Variants in MYH3 observed in about 807,000 individuals in gnomAD.
The protein encoded by MYH3 is myosin-3.
MYH3 carries 130 observed loss-of-function variants against 238.0 expected under a neutral mutation model. The observed-to-expected ratio is 0.55, with a 90% CI of 0.47 to 0.63. The LOEUF is 0.63. Ranked by LOEUF, MYH3 falls within the 30% of genes least tolerant of loss-of-function variation. The pLI is 0.00. For missense variants in MYH3, 1,853 were observed against 2,374.9 expected, an observed-to-expected ratio of 0.78 and a Z score of 4.57; for synonymous variants, 880 against 924.1, an observed-to-expected ratio of 0.95 and a Z score of 0.86.
intron 36 of MYH3, 99 bp downstream of exon 36, chr17:10,631,512 C>T (rs1267716582): frequency 1.9e-6 from 3 of 1,570,978 alleles, no homozygotes; most frequent in Non-Finnish European, 2.6e-6. Flanking sequence ...GAATGTGCAC[C>T]AGGTGTGGCT....
upstream of MYH3, among the ~76,000 whole-genome samples, chr17:10,658,119 G>A (rs1480105798): frequency 1.3e-5 from 2 of 152,160 alleles, no homozygotes; most frequent in African/African-American, 4.8e-5. Flanking sequence ...TAGGGGGAAC[G>A]GTGGTGGCCT....
In MYH3 at chr17:10,652,600, T is replaced by C. The variant is rs779597444; in HGVS notation, c.205-37A>G. 41 of 1,220,182 alleles carry C rather than the reference T, an allele frequency of 3.4e-5. 1 individual carries two copies. In the Admixed American group the frequency reaches 7.9e-4, roughly 23 times the overall value. 75.6% of individuals were successfully genotyped at this position (1,220,182 alleles called of 1,614,324 possible). On this transcript the variant is annotated intron_variant, in intron 3 of 40. Coordinates refer to ENST00000583535, the MANE Select transcript of MYH3 (RefSeq NM_002470.4). ...GAGGCACAGTGCTTCACTAAGATGGTCTGCACGTCTTTTTTTTTTTTTTTT... is the reference window on the plus strand; with the variant it reads ...GAGGCACAGTGCTTCACTAAGATGGCCTGCACGTCTTTTTTTTTTTTTTTT...
At chr17:10,676,122 A>G in the MYH3 span, 46 of 151,958 alleles carry the variant, frequency 3.0e-4, no homozygotes, top group African/African-American at 1.1e-3. Context: ...TTTTGAGACA[A>G]CTCTTGTTGC....
At chr17:10,634,734 C>G (rs984621307) in intron 31 of MYH3, 106 bp downstream of exon 31, 3 of 1,405,644 alleles carry the variant, frequency 2.1e-6, no homozygotes, top group Non-Finnish European at 3.0e-6. Context: ...CAAGGCCACA[C>G]TGCTGGTGAG....
At chr17:10,669,970 G>A in the MYH3 span, among the ~76,000 whole-genome samples, 3 of 152,162 alleles carry the variant, frequency 2.0e-5, no homozygotes, top group Non-Finnish European at 2.9e-5. Flanking sequence ...TTCTGATTCT[G>A]TGATTTAAGG....
chr17:10,639,073 G>T lies in MYH3; in HGVS notation c.3219C>A (p.Asp1073Glu), dbSNP rs2074244577. The T allele has an allele frequency of 6.2e-7, 1 of 1,614,214 alleles. No individual in the cohort carries two copies. The highest frequency in any genetic ancestry group is 1.7e-5 in the Admixed American group (1 of 60,028). ...AQESILDLEN[D>E]KQQLDERLKK... ...TGAGCCTTTCGTCCAGCTGTTGCTT[G>T]TCATTCTCCAGATCTAATATGGACT... The change falls in exon 25 of 41, where the codon GAC becomes GAA. Residue 1073 changes from aspartate (D) to glutamate (E), a missense_variant. Asp to Glu is a conservative substitution (Grantham distance 45). Around this residue, in one of 3 missense-constraint regions of MYH3, gnomAD observed 1,044 missense variants for 1,192.6 expected, o/e 0.88. Coordinates refer to ENST00000583535, the MANE Select transcript of MYH3 (RefSeq NM_002470.4).
In MYH3 at chr17:10,642,721, A is replaced by T; in HGVS notation, c.1584T>A (p.Pro528=). 1 of 1,614,208 alleles carries T rather than the reference A, an allele frequency of 6.2e-7. No homozygotes were observed. The highest frequency in any genetic ancestry group is 1.6e-4 in the Middle Eastern group (1 of 6,062). ...CTTCCAGGATGGAGAAGATGCCCAT[A>T]GGCTGGATTGAAGGCAAGGCAAAGT... ...LAACIELIEK[P]MGIFSILEEE... is the part of the protein sequence containing the mutation. Residue 528 remains proline (P), a splice_region_variant and synonymous_variant, in exon 16 of 41, where the codon CCT becomes CCA. Coordinates refer to ENST00000583535, the MANE Select transcript of MYH3 (RefSeq NM_002470.4). The surrounding 1 kb of genome is among the most constrained non-coding windows in gnomAD (Gnocchi z 5.4).
chr17:10,667,789 G>A, the MYH3 span, among the ~76,000 whole-genome samples: 1 of 151,696 alleles, frequency 6.6e-6, no homozygotes, highest in Admixed American at 6.6e-5. Context: ...AATATTTTGA[G>A]ACAAGAACAT....
Position 10,631,752 on chromosome 17 carries a change from G to C in MYH3, c.5161-16C>G. 2.5e-6 allele frequency: 4 copies of C among 1,614,120 alleles called. No homozygotes were observed. The highest frequency in any genetic ancestry group is 3.4e-6 in the Non-Finnish European group (4 of 1,180,026). On this transcript the variant is annotated splice_polypyrimidine_tract_variant and intron_variant, in intron 35 of 40. Transcript: ENST00000583535. Reference sequence around the variant, plus strand: ...GGCTGGTGTTCTAGGGCAAGAGGAGGGCTGTTAACCAGGTGCGTATGAGGC... The same window carrying C: ...GGCTGGTGTTCTAGGGCAAGAGGAGCGCTGTTAACCAGGTGCGTATGAGGC...
chr17:10,652,849 C>G (rs1160641533), intron 3 of MYH3, among the ~76,000 whole-genome samples: 1 of 151,752 alleles, frequency 6.6e-6, no homozygotes, highest in Admixed American at 6.6e-5. Context: ...TCTCGATCTC[C>G]TGACCTCGTG....
chr17:10,632,539 G>A lies in MYH3; in HGVS notation c.4893C>T (p.Ser1631=). Reference sequence around the variant, plus strand: ...TCTCCGCCGCCTGGCGGTTGGCGTGGCTCAGCTGGATCTCGATTTCATTCA... The same window carrying A: ...TCTCCGCCGCCTGGCGGTTGGCGTGACTCAGCTGGATCTCGATTTCATTCA... The part of the protein sequence containing the change: ...GDLNEIEIQL[S]HANRQAAETL... The change falls in exon 34 of 41, where the codon AGC becomes AGT. Residue 1631 remains serine (S), a synonymous_variant. Transcript: ENST00000583535. The A allele has an allele frequency of 6.2e-7, 1 of 1,614,130 alleles. No homozygotes were observed. The highest frequency in any genetic ancestry group is 8.5e-7 in the Non-Finnish European group (1 of 1,180,040).
chr17:10,654,771 G>A lies in MYH3; in HGVS notation c.204+90C>T. 2 of 1,193,914 alleles carry A rather than the reference G, an allele frequency of 1.7e-6. No homozygotes were observed. Among genetic ancestry groups the A allele is most frequent in the East Asian group, 2.3e-5 (1 of 43,008 alleles). 74.0% of individuals were successfully genotyped at this position (1,193,914 alleles called of 1,614,324 possible). A position where few individuals can be genotyped will look rare whatever the true frequency, so the allele number is the denominator to read the frequency against. ...CATTCCAGTGCTGGAACCACATCTG[G>A]AAGTGGCTGGGGTTGGGCAGATGCA... On this transcript the variant is annotated intron_variant, in intron 3 of 40. Coordinates refer to ENST00000583535, the MANE Select transcript of MYH3 (RefSeq NM_002470.4). This position sits in a 1 kb window ranked among gnomAD's most constrained non-coding sequence, Gnocchi z 4.5.
At position 10,654,715 on chromosome 17, in the gene MYH3, C is replaced by T. The variant is rs1020265161; in HGVS notation, c.204+146G>A. On this transcript the variant is annotated intron_variant, in intron 3 of 40. Coordinates refer to ENST00000583535, the MANE Select transcript of MYH3 (RefSeq NM_002470.4). This position sits in a 1 kb window ranked among gnomAD's most constrained non-coding sequence, Gnocchi z 4.5. ...ATTCACTCTGCTTTCTCTGAGGATA[C>T]CTGGGAAGCCCCAGGCTACATTGTA... The T allele has an allele frequency of 4.0e-5, 32 of 795,244 alleles. No homozygotes were observed. In the African/African-American group the frequency reaches 4.2e-4, roughly 10 times the overall value. 49.3% of individuals were successfully genotyped at this position (795,244 alleles called of 1,614,324 possible).
At chr17:10,665,274 C>G in the MYH3 span, among the ~76,000 whole-genome samples, 1 of 152,068 alleles carries the variant, frequency 6.6e-6, no homozygotes, top group Non-Finnish European at 1.5e-5. Context: ...TCCCGAGTAG[C>G]TGGAATTACA....
intron 6 of MYH3, 60 bp from the exon 7 acceptor site, chr17:10,649,745 T>C: frequency 6.7e-7 from 1 of 1,486,078 alleles, no homozygotes; most frequent in Admixed American, 1.7e-5. Flanking sequence ...AACAGGCTTT[T>C]CAGGATGTCA....
At chr17:10,656,537 CAAAAAAAAAAAAA>C (rs71139057) in intron 1 of MYH3, among the ~76,000 whole-genome samples, 1 of 55,898 alleles carries the variant, frequency 1.8e-5, no homozygotes, top group East Asian at 3.5e-4. Context: ...AATTCTGTCT[CAAAAAAAAAAAAA>C]AAAAAAAAAA....
chr17:10,633,899 A>C (rs2074188398), intron 32 of MYH3, 118 bp downstream of exon 32: 2 of 1,471,352 alleles, frequency 1.4e-6, no homozygotes, highest in South Asian at 2.3e-5. Flanking sequence ...CACTTTCTGC[A>C]TGTGCATTAA....
intron 10 of MYH3, among the ~76,000 whole-genome samples, 174 bp downstream of exon 10, chr17:10,647,008 C>T (rs971955487): frequency 2.6e-5 from 4 of 152,176 alleles, no homozygotes; most frequent in Admixed American, 2.6e-4. Flanking sequence ...TGTGCTTGTG[C>T]CACTGCACCC....
Position 10,647,437 on chromosome 17 carries a change from C to T in MYH3, c.736-11G>A, listed in dbSNP as rs757029689. On this transcript the variant is annotated splice_polypyrimidine_tract_variant and intron_variant, in intron 8 of 40. Transcript: ENST00000583535. ...TCGGATGAACTTGCCCTGTATGGGG[C>T]GGGATTCAGGGGGAGACCAGATTCT... 6.8e-6 allele frequency: 11 copies of T among 1,614,052 alleles called. No individual in the cohort carries two copies. Among genetic ancestry groups the T allele is most frequent in the Middle Eastern group, 1.6e-4 (1 of 6,062 alleles).
Sources: allele counts gnomAD v4.1 joint callset (sites outside exome capture counted in the v4.1 genomes callset), GRCh38; gene constraint gnomAD v4.1.1; regional missense constraint gnomAD v4.1.1; non-coding constraint Gnocchi (gnomAD v3.1); transcripts MANE v1.5; gene names NCBI Gene and HGNC (gene_info 2026-07-23, HGNC 2026-07-21).